Variants in FAM78A observed in about 807,000 individuals in gnomAD.
The protein encoded by FAM78A is family with sequence similarity 78 member A, also known as protein FAM78A.
A neutral mutation model predicts 22.6 loss-of-function variants in FAM78A; 12 were observed. That is an observed-to-expected ratio of 0.53 (90% CI 0.34 to 0.86). The LOEUF (loss-of-function observed/expected upper bound fraction) is 0.86. Among genes scored for constraint, FAM78A ranks in the 40% least tolerant of loss-of-function variants. The pLI, the probability that FAM78A is intolerant of heterozygous loss-of-function variation, is 0.02. For missense variants in FAM78A, 322 were observed against 396.1 expected, an observed-to-expected ratio of 0.81 and a Z score of 1.59; for synonymous variants, 151 against 155.8, an observed-to-expected ratio of 0.97 and a Z score of 0.23.
intron 1 of FAM78A, among the ~76,000 whole-genome samples, chr9:131,268,762 A>G (rs927245769): frequency 2.0e-5 from 3 of 152,052 alleles, no homozygotes; most frequent in East Asian, 1.9e-4. Context: ...GCATGGTGGC[A>G]GGTGCCTGTA....
At position 131,274,770 on chromosome 9, in the gene FAM78A, C is replaced by T. The variant is rs1473398374; in HGVS notation, c.323+1087G>A. ...GAAATTCTCCTCTTTTCCCCACTTGCAAAACGGGGACGTGAAGCTGCACAG... is the reference window on the plus strand; with the variant it reads ...GAAATTCTCCTCTTTTCCCCACTTGTAAAACGGGGACGTGAAGCTGCACAG... On this transcript the variant is annotated intron_variant, in intron 1 of 1. Transcript: ENST00000372271. The surrounding 1 kb of genome is among the most constrained non-coding windows in gnomAD (Gnocchi z 4.2). 3.3e-5 allele frequency among the ~76,000 whole-genome samples: 5 copies of T among 152,130 alleles called. No individual in the cohort carries two copies. The East Asian group carries it at 9.6e-4, about 29-fold the overall frequency.
At chr9:131,262,587 A>G (rs1835287781) in intron 1 of FAM78A, 1 of 151,904 alleles carries the variant, frequency 6.6e-6, no homozygotes, top group African/African-American at 2.4e-5. Context: ...TCTAAAAAAA[A>G]ATGCATTCCT....
At chr9:131,271,001 C>CT (rs60077536) in intron 1 of FAM78A, among the ~76,000 whole-genome samples, 2,136 of 70,320 alleles carry the variant, frequency 0.03, 106 homozygotes, top group East Asian at 0.095. Flanking sequence ...TCCCACCAGT[C>CT]TTTTTTTTTT....
chr9:131,269,797 G>A (rs937477382), intron 1 of FAM78A, among the ~76,000 whole-genome samples: 2 of 152,054 alleles, frequency 1.3e-5, no homozygotes, highest in African/African-American at 4.8e-5. Flanking sequence ...TTTATGTGCT[G>A]CTTCTCCCCT....
chr9:131,277,626 G>GCGCCCCCACC (rs1835502134), upstream of FAM78A, among the ~76,000 whole-genome samples: 2 of 151,690 alleles, frequency 1.3e-5, no homozygotes, highest in South Asian at 4.2e-4. The surrounding 1 kb of genome is among the most constrained non-coding windows in gnomAD (Gnocchi z 8.4). Context: ...CGTTCTTGGG[G>GCGCCCCCACC]CGCCCCCACC....
chr9:131,270,226 G>C (rs775297386), intron 1 of FAM78A: 1 of 714,136 alleles, frequency 1.4e-6, no homozygotes, highest in Non-Finnish European at 2.6e-6. Flanking sequence ...TACAACCACC[G>C]AGCTGAAGGG....
Position 131,262,333 on chromosome 9 carries a change from C to T in FAM78A, c.324-983G>A, listed in dbSNP as rs571440831. 2.7e-4 allele frequency among the ~76,000 whole-genome samples: 40 copies of T among 149,118 alleles called. 1 individual carries two copies. Among genetic ancestry groups the T allele is most frequent in the African/African-American group, 9.8e-4 (39 of 39,984 alleles). Reference sequence around the variant, plus strand: ...TCCAAAAAAAAAAAAAAAAAATTAGCGGGGTACGGTAGCAGATGCCTCTAA... The same window carrying T: ...TCCAAAAAAAAAAAAAAAAAATTAGTGGGGTACGGTAGCAGATGCCTCTAA... On this transcript the variant is annotated intron_variant, in intron 1 of 1. Coordinates refer to ENST00000372271, the MANE Select transcript of FAM78A (RefSeq NM_033387.4).
At position 131,275,819 on chromosome 9, in the gene FAM78A, C is replaced by G; in HGVS notation, c.323+38G>C. On this transcript the variant is annotated intron_variant, in intron 1 of 1. Coordinates refer to ENST00000372271, the MANE Select transcript of FAM78A (RefSeq NM_033387.4). This position sits in a 1 kb window ranked among gnomAD's most constrained non-coding sequence, Gnocchi z 4.6. ...CACCAGGCCTCCAAGCTCGGCCATC[C>G]CTAGCAGTTCCCAGAGCTGGCTCTC... is the stretch of plus-strand genomic sequence containing the variant. 2 of 1,541,606 alleles carry G rather than the reference C, an allele frequency of 1.3e-6. No individual in the cohort carries two copies. Among genetic ancestry groups the G allele is most frequent in the Non-Finnish European group, 1.8e-6 (2 of 1,142,424 alleles).
In FAM78A at chr9:131,272,124, G is replaced by GT. The variant is rs896178844; in HGVS notation, c.323+3732dup. Among the ~76,000 whole-genome samples, 15 of 152,110 alleles carry GT rather than the reference G, an allele frequency of 9.9e-5. No individual in the cohort carries two copies. Among genetic ancestry groups the GT allele is most frequent in the African/African-American group, 3.6e-4 (15 of 41,424 alleles). On this transcript the variant is annotated intron_variant, in intron 1 of 1. Coordinates refer to ENST00000372271, the MANE Select transcript of FAM78A (RefSeq NM_033387.4). This position sits in a 1 kb window ranked among gnomAD's most constrained non-coding sequence, Gnocchi z 4.1. Reference sequence around the variant, plus strand: ...GGGATTAATTTTAAGCAGGGATAACGTTTGGGGGTATTATGGATTTTGGTT... The same window carrying GT: ...GGGATTAATTTTAAGCAGGGATAACGTTTTGGGGGTATTATGGATTTTGGTT...
rs1835466153 is a variant in FAM78A at position 131,275,085 on chromosome 9, G to A, written c.323+772C>T. Among the ~76,000 whole-genome samples the A allele has an allele frequency of 6.6e-6, 1 of 152,206 alleles. No homozygotes were observed. Among genetic ancestry groups the A allele is most frequent in the East Asian group, 1.9e-4 (1 of 5,194 alleles). On this transcript the variant is annotated intron_variant, in intron 1 of 1. Transcript: ENST00000372271. The surrounding 1 kb of genome is among the most constrained non-coding windows in gnomAD (Gnocchi z 4.6). ...TTCTCTGGGGTCAGGAAGCAGGCCA[G>A]GAAAGGAGCCCCAGGGTCCCAGGGT...
chr9:131,259,280 A>G lies in FAM78A; in HGVS notation c.*1542T>C, dbSNP rs1835228358. On this transcript the variant is annotated 3_prime_UTR_variant, in exon 2 of 2. Transcript: ENST00000372271. ...CCGACACTGCTCAGAACCCTGGCAC[A>G]ATGGGTCAGGACTAAGTAAGCCCTG... is the stretch of plus-strand genomic sequence containing the variant. 6.6e-6 allele frequency: 1 copy of G among 152,500 alleles called. No individual in the cohort carries two copies. Among genetic ancestry groups the G allele is most frequent in the Non-Finnish European group, 1.5e-5 (1 of 68,066 alleles). The allele number at this position is 152,500 out of a possible 1,614,324, so 9.4% of individuals were successfully genotyped here.
chr9:131,270,340 C>G, intron 1 of FAM78A: 1 of 717,638 alleles, frequency 1.4e-6, no homozygotes. Flanking sequence ...GCTTCCTTCC[C>G]CCAAACACTG....
chr9:131,267,028 C>G (rs528818932), intron 1 of FAM78A, among the ~76,000 whole-genome samples: 199 of 152,332 alleles, frequency 1.3e-3, no homozygotes, highest in African/African-American at 4.6e-3. Context: ...AGCACACGGG[C>G]TGCGCCAGGC....
At position 131,270,032 on chromosome 9, in the gene FAM78A, T is replaced by TTAAAAAAAA. The variant is rs1835396769; in HGVS notation, c.323+5824_323+5825insTTTTTTTTA. 3.2e-4 allele frequency among the ~76,000 whole-genome samples: 11 copies of TTAAAAAAAA among 34,128 alleles called. 1 individual carries two copies. The highest frequency in any genetic ancestry group is 9.3e-4 in the African/African-American group (10 of 10,752). 22.4% of individuals were successfully genotyped at this position (34,128 alleles called of 152,430 possible). A position where few individuals can be genotyped will look rare whatever the true frequency, so the allele number is the denominator to read the frequency against. On this transcript the variant is annotated intron_variant, in intron 1 of 1. Transcript: ENST00000372271. ...CAGCATGGTGAAACCCCATCCCTAC[T>TTAAAAAAAA]AAAATAAAAAAAAAAAAAAAAAAAA... is the stretch of plus-strand genomic sequence containing the variant.
intron 1 of FAM78A, chr9:131,270,364 T>G: frequency 1.4e-6 from 1 of 717,564 alleles, no homozygotes; most frequent in East Asian, 2.7e-5. Flanking sequence ...ACGACTGATC[T>G]TTTTCAATGC....
At chr9:131,273,363 C>T (rs890922689) in intron 1 of FAM78A, among the ~76,000 whole-genome samples, 2 of 152,258 alleles carry the variant, frequency 1.3e-5, no homozygotes, top group Admixed American at 1.3e-4. Flanking sequence ...CATCCTGTCC[C>T]TGGGGCTGGT....
chr9:131,260,792 T>A lies in FAM78A; in HGVS notation c.*30A>T. ...TTGTTTTCAGCGGTATTATTATTTG[T>A]GAGTCTAACCTAGCGGGTGGTCCTG... On this transcript the variant is annotated 3_prime_UTR_variant, in exon 2 of 2. Transcript: ENST00000372271. This position sits in a 1 kb window ranked among gnomAD's most constrained non-coding sequence, Gnocchi z 5.4. 6.6e-7 allele frequency: 1 copy of A among 1,506,620 alleles called. No individual in the cohort carries two copies. Among genetic ancestry groups the A allele is most frequent in the Non-Finnish European group, 8.9e-7 (1 of 1,129,052 alleles). 93.3% of individuals were successfully genotyped at this position (1,506,620 alleles called of 1,614,324 possible).
rs1248198263 is a variant in FAM78A, at chr9:131,265,838, G to T, written c.324-4488C>A. On this transcript the variant is annotated intron_variant, in intron 1 of 1. Transcript: ENST00000372271. The surrounding 1 kb of genome is among the most constrained non-coding windows in gnomAD (Gnocchi z 4.3). ...TGGGCAGAGGCAGGCAGAGCCACCT[G>T]TCACACTCCCATCCTCCTAGGGACC... is the stretch of plus-strand genomic sequence containing the variant. Among the ~76,000 whole-genome samples, 1 of 152,148 alleles carries T rather than the reference G, an allele frequency of 6.6e-6. No homozygotes were observed. The highest frequency in any genetic ancestry group is 2.4e-5 in the African/African-American group (1 of 41,440).
At chr9:131,271,673 G>A (rs72619323) in intron 1 of FAM78A, among the ~76,000 whole-genome samples, 3,366 of 152,374 alleles carry the variant, frequency 0.022, 129 homozygotes, top group East Asian at 0.19. Flanking sequence ...AGAATCCTGA[G>A]CCATAAACTG....
Sources: allele counts gnomAD v4.1 joint callset (sites outside exome capture counted in the v4.1 genomes callset), GRCh38; gene constraint gnomAD v4.1.1; non-coding constraint Gnocchi (gnomAD v3.1); transcripts MANE v1.5; gene names NCBI Gene and HGNC (gene_info 2026-07-23, HGNC 2026-07-21).